The following ANKRD20A1 variants were observed in gnomAD, a reference collection of about 807,000 sequenced individuals.
ANKRD20A1 encodes the protein ankyrin repeat domain 20 family member A1.
ANKRD20A1 carries 2 observed loss-of-function variants against 50.9 expected under a neutral mutation model. The ratio of observed to expected loss-of-function variants is 0.04; its 90% CI spans 0.02 to 0.12. The LOEUF is 0.12. ANKRD20A1 is among the 10% of genes least tolerant of loss of function. The pLI is 1.00. For synonymous variants in ANKRD20A1, 10 were observed against 186.2 expected, an observed-to-expected ratio of 0.05 and a Z score of 7.70; for missense variants, 31 against 548.1, an observed-to-expected ratio of 0.06 and a Z score of 9.42.
intron 8 of ANKRD20A1, among the ~76,000 whole-genome samples, chr9:67,881,230 A>G (rs1373289714): frequency 4.9e-5 from 7 of 143,300 alleles, no homozygotes; most frequent in Non-Finnish European, 9.2e-5. Context: ...CCTGGGCAAC[A>G]TCGTATCTGA....
intron 8 of ANKRD20A1, among the ~76,000 whole-genome samples, chr9:67,881,583 G>A (rs879661748): frequency 0.017 from 2,557 of 150,600 alleles, no homozygotes; most frequent in Non-Finnish European, 0.027. Flanking sequence ...CCTGGCCAAC[G>A]TGGTGAAACC....
At chr9:67,875,584 TC>T (rs1827715198) in intron 6 of ANKRD20A1, among the ~76,000 whole-genome samples, 1 of 152,132 alleles carries the variant, frequency 6.6e-6, no homozygotes, top group Admixed American at 6.6e-5. Flanking sequence ...TGCTGTACAT[TC>T]TGTGAATTTG....
At chr9:67,882,966 T>G (rs1827824053) in intron 8 of ANKRD20A1, among the ~76,000 whole-genome samples, 1 of 151,146 alleles carries the variant, frequency 6.6e-6, no homozygotes, top group Non-Finnish European at 1.5e-5. Context: ...GGACATGAAC[T>G]CATCCTTTTT....
chr9:67,898,577 A>T (rs1828035746), intron 13 of ANKRD20A1, among the ~76,000 whole-genome samples: 1 of 93,604 alleles, frequency 1.1e-5, no homozygotes, highest in African/African-American at 3.2e-5. Context: ...ATTAAGAAAG[A>T]AATATAAAAA....
At chr9:67,891,032 G>A (rs1286937806) in intron 11 of ANKRD20A1, among the ~76,000 whole-genome samples, 1 of 85,880 alleles carries the variant, frequency 1.2e-5, no homozygotes, top group Non-Finnish European at 2.5e-5. Context: ...GCGGTGGCTC[G>A]TGCCTGTAAT....
chr9:67,886,879 GT>G (rs1321970927), intron 9 of ANKRD20A1, among the ~76,000 whole-genome samples: 18 of 117,218 alleles, frequency 1.5e-4, no homozygotes, highest in African/African-American at 5.0e-4. Context: ...GCTGTGTTGA[GT>G]TAAAATACTC....
chr9:67,882,648 A>G (rs1192794702), intron 8 of ANKRD20A1, among the ~76,000 whole-genome samples: 2 of 141,932 alleles, frequency 1.4e-5, no homozygotes, highest in Non-Finnish European at 1.5e-5. Flanking sequence ...ACTCTTTATT[A>G]TTCTTATACT....
At chr9:67,860,199 A>G (rs1587593811) in intron 1 of ANKRD20A1, among the ~76,000 whole-genome samples, 1 of 44,426 alleles carries the variant, frequency 2.3e-5, no homozygotes, top group East Asian at 4.3e-4. Flanking sequence ...CTGGGATTGC[A>G]GGCAGGTGCC....
rs1167648092 is a variant in ANKRD20A1, at chr9:67,868,374, T to C, written c.600-55T>C. On this transcript the variant is annotated intron_variant, in intron 4 of 14. Transcript: ENST00000562196. ...CTGGTAAAGTGTATCAAACTAGCTT[T>C]TTAAAAAAGTCTTTATTAAAGTTCT... 2.4e-6 allele frequency: 2 copies of C among 817,622 alleles called. 1 individual carries two copies. Among genetic ancestry groups the C allele is most frequent in the Non-Finnish European group, 3.3e-6 (2 of 603,044 alleles). The allele number at this position is 817,622 out of a possible 1,614,324, so 50.6% of individuals were successfully genotyped here.
At chr9:67,865,487 T>A (rs887633477) in intron 3 of ANKRD20A1, among the ~76,000 whole-genome samples, 8 of 139,762 alleles carry the variant, frequency 5.7e-5, no homozygotes, top group Admixed American at 1.4e-4. Flanking sequence ...AATACTTGGA[T>A]TATACACAAC....
rs113152083 is a variant in ANKRD20A1 at position 67,861,651 on chromosome 9, A to G, written c.204-1290A>G. 4.9e-5 allele frequency among the ~76,000 whole-genome samples: 2 copies of G among 40,858 alleles called. 1 individual carries two copies. The highest frequency in any genetic ancestry group is 9.4e-5 in the Non-Finnish European group (2 of 21,308). The allele number at this position is 40,858 out of a possible 152,430, so 26.8% of individuals were successfully genotyped here. On this transcript the variant is annotated intron_variant, in intron 1 of 14. Coordinates refer to ENST00000562196, the MANE Select transcript of ANKRD20A1 (RefSeq NM_032250.5). ...TGGGACTTAATCTCCTTGAAACTTT[A>G]TCTCCCACCTTTCAAACAAAAGCAT...
chr9:67,884,489 T>C lies in ANKRD20A1; in HGVS notation c.898T>C (p.Cys300Arg), dbSNP rs925277938. The change falls in exon 9 of 15, where the codon TGT becomes CGT. Residue 300 changes from cysteine (C) to arginine (R), a missense_variant. Physicochemically the swap from Cys to Arg is radical, Grantham distance 180. Coordinates refer to ENST00000562196, the MANE Select transcript of ANKRD20A1 (RefSeq NM_032250.5). ...CTAATTCTTGATATTACCTTAGCAG[T>C]GTGTCCCCGAGAAAGTGTCAGAGCC... ...DKDLNVATKQ[C>R]VPEKVSEPLP... The C allele has an allele frequency of 6.3e-7, 1 of 1,585,988 alleles. No individual in the cohort carries two copies. Among genetic ancestry groups the C allele is most frequent in the African/African-American group, 1.3e-5 (1 of 74,330 alleles).
At chr9:67,885,490 A>G (rs1326575919) in intron 9 of ANKRD20A1, among the ~76,000 whole-genome samples, 2 of 152,312 alleles carry the variant, frequency 1.3e-5, no homozygotes, top group Admixed American at 6.5e-5. Flanking sequence ...AAAATGTTGT[A>G]ACCTCATAGG....
intron 3 of ANKRD20A1, among the ~76,000 whole-genome samples, chr9:67,865,656 A>G (rs1339942893): frequency 7.2e-6 from 1 of 138,166 alleles, no homozygotes; most frequent in Non-Finnish European, 1.6e-5. Context: ...AAAAAATCAA[A>G]TCTGGTGTCC....
At chr9:67,888,953 A>G (rs1396392993) in intron 11 of ANKRD20A1, among the ~76,000 whole-genome samples, 126 of 146,972 alleles carry the variant, frequency 8.6e-4, no homozygotes, top group Non-Finnish European at 1.6e-3. Context: ...TGTGGGAACA[A>G]TTAGGTGTTT....
chr9:67,861,379 T>C (rs1827498561), intron 1 of ANKRD20A1, among the ~76,000 whole-genome samples: 1 of 43,840 alleles, frequency 2.3e-5, no homozygotes, highest in Admixed American at 1.8e-4. Flanking sequence ...TTGTGTTCTT[T>C]AAAAATAAAA....
chr9:67,882,410 T>G (rs903886147), intron 8 of ANKRD20A1, among the ~76,000 whole-genome samples: 2 of 141,012 alleles, frequency 1.4e-5, no homozygotes, highest in African/African-American at 5.0e-5. Flanking sequence ...ATTGTATTTT[T>G]TAATATTTAA....
chr9:67,882,275 T>G (rs571090829), intron 8 of ANKRD20A1, among the ~76,000 whole-genome samples: 7 of 151,610 alleles, frequency 4.6e-5, no homozygotes, highest in African/African-American at 1.7e-4. Context: ...CATAAGATAT[T>G]CAGCCTTAAT....
At chr9:67,890,469 A>G in intron 11 of ANKRD20A1, among the ~76,000 whole-genome samples, 1 of 152,326 alleles carries the variant, frequency 6.6e-6, no homozygotes, top group Non-Finnish European at 1.5e-5. Context: ...ACCTTCCAAA[A>G]CCAAATATTA....
Sources: gnomAD v4.1 joint callset for allele counts (sites outside exome capture counted in the v4.1 genomes callset) on GRCh38, gnomAD v4.1.1 for gene constraint, MANE v1.5 for transcripts, NCBI Gene and HGNC (gene_info 2026-07-23, HGNC 2026-07-21) for gene names.